Variants in GOSR1 observed in about 807,000 individuals in gnomAD.
GOSR1 encodes golgi SNAP receptor complex member 1.
Under a neutral mutation model 35.5 loss-of-function variants are expected in GOSR1, and 21 were observed. The observed-to-expected ratio is 0.59, with a 90% CI of 0.42 to 0.85. The LOEUF is 0.85. Ranked by LOEUF, GOSR1 falls within the 40% of genes least tolerant of loss-of-function variation. GOSR1 has a pLI of 0.00. For missense variants in GOSR1, 285 were observed against 309.6 expected (o/e 0.92, Z 0.60); for synonymous variants, 94 against 106.6 (o/e 0.88, Z 0.73).
intron 1 of GOSR1, chr17:30,477,754 TGAG>T (rs563569566): frequency 6.2e-4 from 611 of 985,138 alleles, no homozygotes; most frequent in Non-Finnish European, 7.1e-4. Flanking sequence ...AGAATTGTGT[TGAG>T]GGAGTAATGG....
chr17:30,480,722 C>CTTTTTTTTTT (rs71138892), intron 1 of GOSR1: 109,632 of 138,942 alleles, frequency 0.79, 43,754 homozygotes, highest in African/African-American at 0.83. Context: ...TTTTATTTTC[C>CTTTTTTTTTT]TTTTTTTGAG....
At chr17:30,501,624 T>C (rs1053758028) in intron 6 of GOSR1, among the ~76,000 whole-genome samples, 2 of 152,064 alleles carry the variant, frequency 1.3e-5, no homozygotes, top group African/African-American at 4.8e-5. Context: ...GCCTCCCAAG[T>C]AGCTGGGATT....
chr17:30,522,536 A>G lies in GOSR1; in HGVS notation c.*158A>G. 4.2e-6 allele frequency: 2 copies of G among 475,492 alleles called. No individual in the cohort carries two copies. Among genetic ancestry groups the G allele is most frequent in the Non-Finnish European group, 7.4e-6 (2 of 271,270 alleles). The allele number at this position is 475,492 out of a possible 1,614,324, so 29.5% of individuals were successfully genotyped here. Reference sequence around the variant, plus strand: ...TGGACTCTGTGACATGGTCAGGTTGAGCTGAAGCCACAGTTTCTCTGTGCT... The same window carrying G: ...TGGACTCTGTGACATGGTCAGGTTGGGCTGAAGCCACAGTTTCTCTGTGCT... On this transcript the variant is annotated 3_prime_UTR_variant, in exon 9 of 9. Transcript: ENST00000451249.
chr17:30,490,386 A>G (rs1296109133), intron 5 of GOSR1, 169 bp downstream of exon 5: 1 of 476,032 alleles, frequency 2.1e-6, no homozygotes, highest in Non-Finnish European at 3.8e-6. Flanking sequence ...ATCCTAATCT[A>G]CTTTTCCATT....
chr17:30,484,828 T>TA (rs774857079), intron 4 of GOSR1, 58 bp downstream of exon 4: 8 of 887,444 alleles, frequency 9.0e-6, no homozygotes, highest in Non-Finnish European at 1.5e-5. Context: ...TTTTTTTTTT[T>TA]TAATCCCTGC....
rs76536946 is a variant in GOSR1, at chr17:30,487,147, G to A, written c.342+2377G>A. On this transcript the variant is annotated intron_variant, in intron 4 of 8. Coordinates refer to ENST00000451249, the MANE Select transcript of GOSR1 (RefSeq NM_001007025.2). ...AAAAACAATTAAACAGAGTTTATAT[G>A]TAGACCCAATTATGTTTGGAAATTT... 3.8e-3 allele frequency among the ~76,000 whole-genome samples: 577 copies of A among 152,260 alleles called. 7 individuals carry two copies. Among genetic ancestry groups the A allele is most frequent in the African/African-American group, 0.013 (558 of 41,552 alleles).
At chr17:30,491,027 GAA>G (rs1184346864) in intron 5 of GOSR1, among the ~76,000 whole-genome samples, 1 of 152,088 alleles carries the variant, frequency 6.6e-6, no homozygotes, top group Non-Finnish European at 1.5e-5. Context: ...GTGTACTCTC[GAA>G]AACACTTTCC....
chr17:30,510,352 G>T (rs1458081964), intron 6 of GOSR1, among the ~76,000 whole-genome samples: 1 of 152,096 alleles, frequency 6.6e-6, no homozygotes, highest in Non-Finnish European at 1.5e-5. Flanking sequence ...GGGATTACCG[G>T]CGTGAGCCAC....
At chr17:30,514,368 C>G (rs530996354) in intron 7 of GOSR1, among the ~76,000 whole-genome samples, 1 of 152,232 alleles carries the variant, frequency 6.6e-6, no homozygotes, top group South Asian at 2.1e-4. Context: ...TACTTTATTC[C>G]CTTATTATGC....
intron 6 of GOSR1, among the ~76,000 whole-genome samples, chr17:30,504,634 A>G (rs1967335259): frequency 6.6e-6 from 1 of 152,198 alleles, no homozygotes; most frequent in South Asian, 2.1e-4. Flanking sequence ...TCATTTTCGG[A>G]AAGTATACCT....
chr17:30,490,449 T>C (rs1224732147), intron 5 of GOSR1: 1 of 358,612 alleles, frequency 2.8e-6, no homozygotes, highest in Non-Finnish European at 5.2e-6. Context: ...ACCTTGACTT[T>C]CCTGTCTTAA....
chr17:30,497,681 T>C (rs559759063), intron 6 of GOSR1, among the ~76,000 whole-genome samples: 39 of 152,356 alleles, frequency 2.6e-4, no homozygotes, highest in African/African-American at 9.1e-4. Flanking sequence ...AGCTAAGTGA[T>C]TCCAGCCCTG....
intron 6 of GOSR1, among the ~76,000 whole-genome samples, chr17:30,509,805 T>A (rs1458445347): frequency 1.3e-5 from 2 of 152,160 alleles, no homozygotes; most frequent in Non-Finnish European, 2.9e-5. Context: ...GAAATTTTAG[T>A]TAAAAAAAAG....
At chr17:30,491,831 A>G (rs946411101) in intron 5 of GOSR1, among the ~76,000 whole-genome samples, 3 of 152,188 alleles carry the variant, frequency 2.0e-5, no homozygotes, top group Non-Finnish European at 1.5e-5. Context: ...TTACAAAACT[A>G]GGTATTGAGA....
chr17:30,521,701 C>T (rs1968042630), intron 8 of GOSR1, among the ~76,000 whole-genome samples: 1 of 152,162 alleles, frequency 6.6e-6, no homozygotes, highest in Non-Finnish European at 1.5e-5. Context: ...TAATAATTCA[C>T]CAGTGTCTGA....
chr17:30,513,494 T>G (rs1318401738), intron 7 of GOSR1, among the ~76,000 whole-genome samples: 2 of 152,236 alleles, frequency 1.3e-5, no homozygotes, highest in African/African-American at 2.4e-5. Flanking sequence ...TGTCTAGATA[T>G]ACTTTGTGGT....
chr17:30,489,777 A>G (rs1479919946), intron 4 of GOSR1, among the ~76,000 whole-genome samples: 1 of 152,214 alleles, frequency 6.6e-6, no homozygotes, highest in South Asian at 2.1e-4. Flanking sequence ...TCTATTAAGT[A>G]TACTACTAAG....
chr17:30,525,540 G>A lies in GOSR1; in HGVS notation c.*3162G>A, dbSNP rs1452125332. The A allele has an allele frequency of 6.6e-6, 1 of 152,150 alleles. No homozygotes were observed. Among genetic ancestry groups the A allele is most frequent in the Non-Finnish European group, 1.5e-5 (1 of 68,044 alleles). The allele number at this position is 152,150 out of a possible 1,614,324, so 9.4% of individuals were successfully genotyped here. On this transcript the variant is annotated 3_prime_UTR_variant, in exon 9 of 9. Coordinates refer to ENST00000451249, the MANE Select transcript of GOSR1 (RefSeq NM_001007025.2). ...ATTTTTCAAAGGGCCTTGATTGGTG[G>A]TTGTGTCTCGGTTAAAATTTATGGG...
chr17:30,488,254 T>C (rs1167128239), intron 4 of GOSR1, among the ~76,000 whole-genome samples: 1 of 148,292 alleles, frequency 6.7e-6, no homozygotes, highest in Non-Finnish European at 1.5e-5. Flanking sequence ...AACCTCTGCC[T>C]CCCGGGTTCA....
Sources: allele counts gnomAD v4.1 joint callset (sites outside exome capture counted in the v4.1 genomes callset), GRCh38; gene constraint gnomAD v4.1.1; transcripts MANE v1.5; gene names NCBI Gene and HGNC (gene_info 2026-07-23, HGNC 2026-07-21).